The following UBQLN1 variants were observed in gnomAD, a reference collection of about 807,000 sequenced individuals.
The protein encoded by UBQLN1 is ubiquilin-1.
In UBQLN1, 13 loss-of-function variants were observed where a neutral mutation model predicts 65.4. That is an observed-to-expected ratio of 0.20 (90% CI 0.13 to 0.32). The LOEUF is 0.32. Among genes scored for constraint, UBQLN1 ranks in the 10% least tolerant of loss-of-function variants. UBQLN1 has a pLI of 1.00. For missense variants in UBQLN1, 561 were observed against 724.0 expected (o/e 0.77, Z 2.58); for synonymous variants, 267 against 247.8 (o/e 1.08, Z -0.73).
intron 1 of UBQLN1, among the ~76,000 whole-genome samples, chr9:83,697,861 G>A (rs1157678533): frequency 2.0e-5 from 3 of 147,766 alleles, no homozygotes; most frequent in Non-Finnish European, 4.4e-5. Flanking sequence ...TCAGCCTTCC[G>A]AGTAGCTGGG....
chr9:83,694,091 C>T (rs991484134), intron 1 of UBQLN1, among the ~76,000 whole-genome samples: 1 of 152,180 alleles, frequency 6.6e-6, no homozygotes, highest in Admixed American at 6.5e-5. Flanking sequence ...ATTTCAAAAT[C>T]CAAACATCCA....
rs374684964 is a variant in UBQLN1 at position 83,677,947 on chromosome 9, T to C, written c.885A>G (p.Pro295=). Residue 295 remains proline (P), a synonymous_variant, in exon 6 of 11, where the codon CCA becomes CCG. Transcript: ENST00000376395. The stretch of plus-strand genomic sequence containing the variant: ...ATGTATTGCTCACCAAGGAAGCAAA[T>C]GGATTACCACCAAACTGTAATAAAA... ...SAAQEQFGGN[P]FASLVSNTSS... is the part of the protein sequence containing the mutation. 8.1e-6 allele frequency: 13 copies of C among 1,612,418 alleles called. No homozygotes were observed. The highest frequency in any genetic ancestry group is 1.0e-5 in the Non-Finnish European group (12 of 1,178,820).
chr9:83,676,621 C>A (rs73476376), intron 6 of UBQLN1, among the ~76,000 whole-genome samples: 1,880 of 152,248 alleles, frequency 0.012, 37 homozygotes, highest in African/African-American at 0.04. Flanking sequence ...CCACTGTATT[C>A]TATAAAAGAA....
chr9:83,696,467 T>A (rs7868710), intron 1 of UBQLN1, among the ~76,000 whole-genome samples: 5,386 of 151,096 alleles, frequency 0.036, 187 homozygotes, highest in East Asian at 0.048. Flanking sequence ...AAAAAAATTT[T>A]AAAAAAAAAC....
At chr9:83,665,452 C>A (rs1261035349) in intron 8 of UBQLN1, 3 of 244,134 alleles carry the variant, frequency 1.2e-5, no homozygotes, top group Non-Finnish European at 1.6e-5. Flanking sequence ...AGTATTACTT[C>A]TAAGACACAA....
intron 7 of UBQLN1, chr9:83,668,681 C>A (rs527549791): frequency 1.0e-6 from 1 of 960,870 alleles, no homozygotes; most frequent in African/African-American, 1.8e-5. Flanking sequence ...GACCTGTATA[C>A]GATTTTCAGC....
chr9:83,686,976 TAA>T (rs1052340133), intron 1 of UBQLN1, among the ~76,000 whole-genome samples: 2 of 144,690 alleles, frequency 1.4e-5, no homozygotes, highest in African/African-American at 2.5e-5. Flanking sequence ...TCTGTCTGTT[TAA>T]AAAAAAAAAA....
intron 2 of UBQLN1, among the ~76,000 whole-genome samples, chr9:83,684,745 C>T (rs1048498041): frequency 2.0e-5 from 3 of 149,090 alleles, no homozygotes; most frequent in African/African-American, 7.5e-5. Flanking sequence ...CAGAGGCAGA[C>T]GTTGCAGTGA....
intron 2 of UBQLN1, among the ~76,000 whole-genome samples, chr9:83,685,332 T>G (rs76390231): frequency 4.6e-5 from 7 of 152,220 alleles, no homozygotes; most frequent in Non-Finnish European, 7.4e-5. Context: ...TGAAAAAATA[T>G]GGACACTGAC....
At chr9:83,683,895 C>T (rs1420767957) in intron 2 of UBQLN1, among the ~76,000 whole-genome samples, 2 of 152,022 alleles carry the variant, frequency 1.3e-5, no homozygotes, top group Admixed American at 6.6e-5. Flanking sequence ...GTGGCACATG[C>T]CTGTAATCAC....
chr9:83,680,762 T>C (rs1432853889), intron 3 of UBQLN1, among the ~76,000 whole-genome samples: 6 of 152,204 alleles, frequency 3.9e-5, no homozygotes, highest in African/African-American at 1.4e-4. Flanking sequence ...TAGGTGCCAT[T>C]CTAGCAATTA....
chr9:83,671,506 A>T (rs1484374019), intron 6 of UBQLN1, among the ~76,000 whole-genome samples: 1 of 152,104 alleles, frequency 6.6e-6, no homozygotes, highest in East Asian at 1.9e-4. Context: ...AACAACATTA[A>T]TCTCCTTGCA....
chr9:83,706,965 G>GC (rs1349110030), intron 1 of UBQLN1, among the ~76,000 whole-genome samples: 1 of 152,078 alleles, frequency 6.6e-6, no homozygotes, highest in Non-Finnish European at 1.5e-5. Context: ...TTTAAAGGTT[G>GC]CAAGGTGGGA....
intron 1 of UBQLN1, among the ~76,000 whole-genome samples, chr9:83,692,671 G>T (rs893402126): frequency 6.6e-6 from 1 of 152,148 alleles, no homozygotes; most frequent in African/African-American, 2.4e-5. Flanking sequence ...TGACCAACAT[G>T]GAGAAACCCC....
At chr9:83,678,104 C>T in intron 5 of UBQLN1, 143 bp from the exon 6 acceptor site, 1 of 669,396 alleles carries the variant, frequency 1.5e-6, no homozygotes. Context: ...TCACTGCAAG[C>T]TCCGCCTCCT....
chr9:83,693,939 C>G (rs562404562), intron 1 of UBQLN1, among the ~76,000 whole-genome samples: 1 of 152,140 alleles, frequency 6.6e-6, no homozygotes, highest in Non-Finnish European at 1.5e-5. Flanking sequence ...AAGAGACATA[C>G]GGAAATTTCC....
At chr9:83,689,702 T>C (rs756950951) in intron 1 of UBQLN1, among the ~76,000 whole-genome samples, 8 of 152,194 alleles carry the variant, frequency 5.3e-5, no homozygotes, top group Non-Finnish European at 1.0e-4. Context: ...GACCTAACCA[T>C]TGTTTTAAAG....
rs565133869 is a variant in UBQLN1 at position 83,673,739 on chromosome 9, C to T, written c.1105+3988G>A. Among the ~76,000 whole-genome samples the T allele has an allele frequency of 2.6e-5, 4 of 152,154 alleles. No homozygotes were observed. In the South Asian group the frequency reaches 8.3e-4, roughly 32 times the overall value. On this transcript the variant is annotated intron_variant, in intron 6 of 10. Coordinates refer to ENST00000376395, the MANE Select transcript of UBQLN1 (RefSeq NM_013438.5). ...ACTTATTGTCTATGGGTGTTTTGCA[C>T]TTTTACAAAAGCAGTGAGTACTTGC...
chr9:83,668,741 G>A (rs933998615), intron 7 of UBQLN1: 48 of 628,812 alleles, frequency 7.6e-5, no homozygotes, highest in African/African-American at 6.4e-4. Flanking sequence ...ACAAATTCCC[G>A]TCTTTAATAA....
Sources: allele counts gnomAD v4.1 joint callset (sites outside exome capture counted in the v4.1 genomes callset), GRCh38; gene constraint gnomAD v4.1.1; transcripts MANE v1.5; gene names NCBI Gene and HGNC (gene_info 2026-07-23, HGNC 2026-07-21).